STX3: variants seen among roughly 807,000 people sequenced by gnomAD.
The protein encoded by STX3 is syntaxin-3.
In STX3, 19 loss-of-function variants were observed where a neutral mutation model predicts 40.2. That is an observed-to-expected ratio of 0.47 (90% confidence interval 0.33 to 0.69). STX3 has a LOEUF of 0.69. Among genes scored for constraint, STX3 ranks in the 30% least tolerant of loss-of-function variants. The probability of loss-of-function intolerance (pLI) is 0.02; values close to 1 mark genes in which losing one functional copy is unlikely to be tolerated. For missense variants in STX3, 364 were observed against 366.7 expected, an observed-to-expected ratio of 0.99 and a Z score of 0.06; for synonymous variants, 122 against 132.2, an observed-to-expected ratio of 0.92 and a Z score of 0.53.
rs191671373 is a variant in STX3 at position 59,789,897 on chromosome 11, G to C, written c.290-622G>C. 2.7e-3 allele frequency among the ~76,000 whole-genome samples: 414 copies of C among 152,304 alleles called. 1 individual carries two copies. The highest frequency in any genetic ancestry group is 3.9e-3 in the Non-Finnish European group (263 of 68,030). On this transcript the variant is annotated intron_variant, in intron 4 of 10. Transcript: ENST00000337979. The stretch of plus-strand genomic sequence containing the variant: ...ATAGTTCAATGAAGCTACTGTCATA[G>C]ATTCAGTTCTTCCAGAGCCTAGAAG...
chr11:59,773,109 GT>G, intron 1 of STX3, 101 bp from the exon 2 acceptor site: 1 of 1,113,892 alleles, frequency 9.0e-7, no homozygotes, highest in Non-Finnish European at 1.3e-6. Flanking sequence ...AGGAAATTAT[GT>G]GTAAAATGCT....
chr11:59,785,711 G>C (rs929121131), intron 2 of STX3, among the ~76,000 whole-genome samples: 2 of 152,192 alleles, frequency 1.3e-5, no homozygotes, highest in Admixed American at 6.5e-5. Flanking sequence ...GAGGGATGCT[G>C]GAAGCTGCAT....
At position 59,792,208 on chromosome 11, in the gene STX3, C is replaced by T. The variant is rs772257244; in HGVS notation, c.459C>T (p.Leu153=). 3 of 1,613,696 alleles carry T rather than the reference C, an allele frequency of 1.9e-6. No homozygotes were observed. The highest frequency in any genetic ancestry group is 1.3e-5 in the African/African-American group (1 of 75,020). ...ERSKGRIQRQ[L]EITGKKTTDE... The stretch of plus-strand genomic sequence containing the variant: ...GCAAAGGGCGAATCCAGCGGCAGCT[C>T]GAAATTAGTATGTACTTGAGGTTTG... Residue 153 remains leucine, a synonymous_variant, in exon 6 of 11, where the codon CTC becomes CTT. Coordinates refer to ENST00000337979, the MANE Select transcript of STX3 (RefSeq NM_004177.5).
Position 59,755,405 on chromosome 11 carries a change from C to T in STX3, c.-201C>T, listed in dbSNP as rs1046789713. ...TTGGAGCGCGAGGCGCCGGTGGGGG[C>T]GGAGGGGGCTGCGCGGCGGAGGCTC... On this transcript the variant is annotated 5_prime_UTR_variant, in exon 1 of 11. Transcript: ENST00000337979. 7 of 423,376 alleles carry T rather than the reference C, an allele frequency of 1.7e-5. No homozygotes were observed. The highest frequency in any genetic ancestry group is 2.3e-5 in the Non-Finnish European group (6 of 256,942). 26.2% of individuals were successfully genotyped at this position (423,376 alleles called of 1,614,324 possible).
At chr11:59,763,141 A>G (rs974656801) in intron 1 of STX3, among the ~76,000 whole-genome samples, 2 of 152,228 alleles carry the variant, frequency 1.3e-5, no homozygotes, top group African/African-American at 4.8e-5. Flanking sequence ...GAATGAACAA[A>G]TGAATCTGTT....
At chr11:59,792,861 G>A (rs1340568694) in intron 6 of STX3, among the ~76,000 whole-genome samples, 2 of 152,242 alleles carry the variant, frequency 1.3e-5, no homozygotes, top group Non-Finnish European at 2.9e-5. Context: ...ATGGGGCAAG[G>A]AAATGTTCTG....
upstream of STX3, chr11:59,755,337 A>G (rs147809952): frequency 0.071 from 21,084 of 295,354 alleles, 909 homozygotes; most frequent in Middle Eastern, 0.13. Flanking sequence ...GGGCGGGTCC[A>G]GGGCGGATCA....
intron 10 of STX3, 192 bp from the exon 11 acceptor site, chr11:59,800,663 T>A (rs896740814): frequency 1.0e-6 from 1 of 985,282 alleles, no homozygotes; most frequent in Non-Finnish European, 1.2e-6. Flanking sequence ...TCTATTTTTT[T>A]CCCCTCTCAC....
chr11:59,799,831 C>CT (rs1865770708), intron 10 of STX3: 62 of 985,142 alleles, frequency 6.3e-5, no homozygotes, highest in Non-Finnish European at 7.4e-5. Flanking sequence ...TTTTTCCCCT[C>CT]TTTTTTCTGG....
chr11:59,795,314 A>G (rs1160498817), intron 8 of STX3, 58 bp from the exon 9 acceptor site: 12 of 1,414,030 alleles, frequency 8.5e-6, no homozygotes, highest in East Asian at 4.7e-5. Flanking sequence ...CCTTCCCCGC[A>G]TTGGCTAGGA....
At chr11:59,794,485 C>T (rs921573161) in intron 8 of STX3, among the ~76,000 whole-genome samples, 9 of 152,268 alleles carry the variant, frequency 5.9e-5, no homozygotes, top group East Asian at 3.9e-4. Context: ...GGTTCCCTGC[C>T]GAGGGCCTGG....
chr11:59,787,951 A>G (rs1423337766), intron 3 of STX3, among the ~76,000 whole-genome samples: 1 of 152,204 alleles, frequency 6.6e-6, no homozygotes, highest in African/African-American at 2.4e-5. Context: ...TTAGCAGAGC[A>G]TATGGGCATT....
intron 8 of STX3, among the ~76,000 whole-genome samples, chr11:59,794,191 C>T (rs1377757384): frequency 6.6e-6 from 1 of 152,050 alleles, no homozygotes; most frequent in South Asian, 2.1e-4. Flanking sequence ...GACAGAAAGA[C>T]TCGAAACACT....
chr11:59,781,303 G>A, intron 2 of STX3: 1 of 1,567,016 alleles, frequency 6.4e-7, no homozygotes, highest in Non-Finnish European at 8.7e-7. Flanking sequence ...CCAAAGTGAT[G>A]ATGGAATTTT....
At chr11:59,787,205 T>C (rs1371916296) in intron 3 of STX3, 69 bp downstream of exon 3, 2 of 1,426,412 alleles carry the variant, frequency 1.4e-6, no homozygotes, top group Admixed American at 1.7e-5. Context: ...AGCCTTGTTT[T>C]CTTGCCCTTC....
rs192666639 is a variant in STX3, at chr11:59,785,519, C to T, written c.115-1518C>T. Among the ~76,000 whole-genome samples the T allele has an allele frequency of 2.7e-4, 41 of 152,074 alleles. No homozygotes were observed. In the East Asian group the frequency reaches 7.0e-3, roughly 26 times the overall value. ...CTGATTTTTGTATTTTTTGTAGCGACGGGGTTTTGCCATGTTACCCAGGCT... is the reference window on the plus strand; with the variant it reads ...CTGATTTTTGTATTTTTTGTAGCGATGGGGTTTTGCCATGTTACCCAGGCT... On this transcript the variant is annotated intron_variant, in intron 2 of 10. Transcript: ENST00000337979.
chr11:59,761,530 CAATG>C (rs1258584774), intron 1 of STX3, among the ~76,000 whole-genome samples: 1 of 152,194 alleles, frequency 6.6e-6, no homozygotes, highest in African/African-American at 2.4e-5. Context: ...ACTGTCCTGT[CAATG>C]AATGGGGATA....
intron 1 of STX3, among the ~76,000 whole-genome samples, chr11:59,763,239 A>G (rs1269562606): frequency 6.6e-6 from 1 of 152,204 alleles, no homozygotes; most frequent in Non-Finnish European, 1.5e-5. Flanking sequence ...ACATTGGATT[A>G]GACCACCCAG....
chr11:59,785,018 G>A (rs1421419519), intron 2 of STX3, among the ~76,000 whole-genome samples: 1 of 152,178 alleles, frequency 6.6e-6, no homozygotes, highest in Non-Finnish European at 1.5e-5. Flanking sequence ...CTAGCTATGT[G>A]ACCTATAATT....
Sources: allele counts gnomAD v4.1 joint callset (sites outside exome capture counted in the v4.1 genomes callset), GRCh38; gene constraint gnomAD v4.1.1; transcripts MANE v1.5; gene names NCBI Gene and HGNC (gene_info 2026-07-23, HGNC 2026-07-21).